Variants in HOXA2 observed in about 807,000 individuals in gnomAD.
The protein encoded by HOXA2 is homeobox protein Hox-A2.
A neutral mutation model predicts 27.2 loss-of-function variants in HOXA2; 4 were observed. The observed-to-expected ratio is 0.15, with a 90% CI of 0.07 to 0.34. The LOEUF (loss-of-function observed/expected upper bound fraction) is 0.34, where lower values mean the gene tolerates loss of function less well. HOXA2 is among the 10% of genes least tolerant of loss of function. HOXA2 has a pLI of 1.00. For missense variants in HOXA2, 430 were observed against 473.2 expected, an observed-to-expected ratio of 0.91 and a Z score of 0.85; for synonymous variants, 200 against 202.8, an observed-to-expected ratio of 0.99 and a Z score of 0.12.
At position 27,101,368 on chromosome 7, in the gene HOXA2, A is replaced by G; in HGVS notation, c.489T>C (p.His163=). Residue 163 remains histidine, a synonymous_variant, in exon 2 of 2, where the codon CAT becomes CAC. Coordinates refer to ENST00000222718, the MANE Select transcript of HOXA2 (RefSeq NM_006735.4). ...GGGGTCTGCAAAGGTACTTGTTGAA[A>G]TGAAATTCTTTTTCCAGCTCTAGAA... ...TQLLELEKEF[H]FNKYLCRPRR... The G allele has an allele frequency of 6.2e-7, 1 of 1,611,518 alleles. No homozygotes were observed. Among genetic ancestry groups the G allele is most frequent in the Admixed American group, 1.7e-5 (1 of 60,026 alleles).
chr7:27,101,151 C>G lies in HOXA2; in HGVS notation c.706G>C (p.Ala236Pro). Residue 236 changes from alanine (A) to proline (P), a missense_variant, in exon 2 of 2, where the codon GCC (alanine) becomes CCC (proline). This residue lies in a region of HOXA2 where 236 missense variants were observed against 208.5 expected (regional missense o/e 1.13). Coordinates refer to ENST00000222718, the MANE Select transcript of HOXA2 (RefSeq NM_006735.4). ...DEEEKTLFEQ[A>P]LSVSGALLER... ...AGAAGGGCCCCAGAGACGCTAAGGG[C>G]TTGCTCAAAGAGCGTCTTCTCTTCC... 2.5e-6 allele frequency: 4 copies of G among 1,614,150 alleles called. No homozygotes were observed. The highest frequency in any genetic ancestry group is 2.5e-6 in the Non-Finnish European group (3 of 1,180,016).
rs1562703122 is a variant in HOXA2, at chr7:27,100,922, T to C, written c.935A>G (p.Asp312Gly). The C allele has an allele frequency of 6.2e-7, 1 of 1,614,126 alleles. No homozygotes were observed. The highest frequency in any genetic ancestry group is 8.5e-7 in the Non-Finnish European group (1 of 1,180,048). ...GGGGACCTCAAGGGCCTCAGGACTG[T>C]CATTGTTTAGGCCAGCTCCACAGTT... ...GQNCGAGLNN[D>G]SPEALEVPSL... The change falls in exon 2 of 2, where the codon GAC (aspartate) becomes GGC (glycine). Residue 312 changes from aspartate to glycine, a missense_variant. Around this residue, in one of 4 missense-constraint regions of HOXA2, gnomAD observed 236 missense variants for 208.5 expected, o/e 1.13. Transcript: ENST00000222718.
At position 27,101,474 on chromosome 7, in the gene HOXA2, A is replaced by C; in HGVS notation, c.392-9T>G. 6.3e-7 allele frequency: 1 copy of C among 1,599,512 alleles called. No individual in the cohort carries two copies. The highest frequency in any genetic ancestry group is 8.5e-7 in the Non-Finnish European group (1 of 1,179,966). Reference sequence around the variant, plus strand: ...GGCGATTTCCAGGGATTCTGCGGAAAGGGAAACCAACAAGAGACACACGCA... The same window carrying C: ...GGCGATTTCCAGGGATTCTGCGGAACGGGAAACCAACAAGAGACACACGCA... On this transcript the variant is annotated splice_polypyrimidine_tract_variant and intron_variant, in intron 1 of 1. Transcript: ENST00000222718.
Position 27,100,369 on chromosome 7 carries a change from AGAATTTATT to A in HOXA2, c.*348_*356del, listed in dbSNP as rs1448930784. 4.4e-6 allele frequency: 1 copy of A among 226,628 alleles called. No homozygotes were observed. Among genetic ancestry groups the A allele is most frequent in the African/African-American group, 2.3e-5 (1 of 43,192 alleles). 14.0% of individuals were successfully genotyped at this position (226,628 alleles called of 1,614,324 possible). On this transcript the variant is annotated 3_prime_UTR_variant, in exon 2 of 2. Coordinates refer to ENST00000222718, the MANE Select transcript of HOXA2 (RefSeq NM_006735.4). ...AAAAATAAGCTACTTATAGCAAAGG[AGAATTTATT>A]CTACAAAAAATATGCATGACAATGC...
At position 27,100,700 on chromosome 7, in the gene HOXA2, T is replaced by A; in HGVS notation, c.*26A>T. Reference sequence around the variant, plus strand: ...CCTGGTCAAAGGAGTTTTTGTTTGGTGATGCTTTGTTTTGCTTTAATGTTT... The same window carrying A: ...CCTGGTCAAAGGAGTTTTTGTTTGGAGATGCTTTGTTTTGCTTTAATGTTT... On this transcript the variant is annotated 3_prime_UTR_variant, in exon 2 of 2. Transcript: ENST00000222718. The A allele has an allele frequency of 6.2e-7, 1 of 1,613,712 alleles. No individual in the cohort carries two copies. Among genetic ancestry groups the A allele is most frequent in the Non-Finnish European group, 8.5e-7 (1 of 1,179,854 alleles).
At chr7:27,101,623 G>C in intron 1 of HOXA2, 158 bp from the exon 2 acceptor site, 1 of 874,628 alleles carries the variant, frequency 1.1e-6, no homozygotes, top group East Asian at 2.6e-5. Context: ...CCTTTCCTGG[G>C]AGCCCAGCCT....
chr7:27,102,324 C>A lies in HOXA2; in HGVS notation c.177G>T (p.Leu59=), dbSNP rs1783944006. The change falls in exon 1 of 2, where the codon CTG becomes CTT. Residue 59 remains leucine (L), a synonymous_variant. Coordinates refer to ENST00000222718, the MANE Select transcript of HOXA2 (RefSeq NM_006735.4). This position sits in a 1 kb window ranked among gnomAD's most constrained non-coding sequence, Gnocchi z 4.6. The part of the protein sequence containing the change: ...PPPFEQTIPS[L]NPGSHPRHGA... ...CGTGGCGAGGGTGACTGCCGGGGTT[C>A]AGGCTGGGAATGGTCTGCTCAAAAG... The A allele has an allele frequency of 1.1e-5, 17 of 1,613,530 alleles. No individual in the cohort carries two copies. The highest frequency in any genetic ancestry group is 2.2e-5 in the South Asian group (2 of 91,070).
Position 27,102,180 on chromosome 7 carries a change from G to A in HOXA2, c.321C>T (p.Thr107=). 6.4e-7 allele frequency: 1 copy of A among 1,560,156 alleles called. No homozygotes were observed. The highest frequency in any genetic ancestry group is 8.7e-7 in the Non-Finnish European group (1 of 1,152,594). ...CGGCGGCGGCGGCCGGCAGAAGTGC[G>A]GTTTTCTTGGCCGCCTTCTTCTCCT... ...WMKEKKAAKK[T]ALLPAAAAAA... is the part of the protein sequence containing the mutation. Residue 107 remains threonine (T), a synonymous_variant, in exon 1 of 2, where the codon ACC becomes ACT. Transcript: ENST00000222718. The surrounding 1 kb of genome is among the most constrained non-coding windows in gnomAD (Gnocchi z 4.6).
chr7:27,101,226 C>T lies in HOXA2; in HGVS notation c.631G>A (p.Glu211Lys), dbSNP rs1783920972. The T allele has an allele frequency of 6.2e-7, 1 of 1,614,208 alleles. No individual in the cohort carries two copies. Among genetic ancestry groups the T allele is most frequent in the Non-Finnish European group, 8.5e-7 (1 of 1,180,032 alleles). The change falls in exon 2 of 2, where the codon GAA becomes AAA. Residue 211 changes from glutamate to lysine, a missense_variant. Transcript: ENST00000222718. ...QTQCKENQNS[E>K]GKCKSLEDSE... is the part of the protein sequence containing the mutation. ...TCCTCAAGGCTTTTACATTTCCCTT[C>T]GCTGTTTTGGTTTTCCTTGCACTGG...
intron 1 of HOXA2, chr7:27,101,688 A>C (rs917634440): frequency 2.6e-5 from 17 of 663,004 alleles, no homozygotes. Context: ...GCTCCCCCCA[A>C]CCTCTTCATC....
In HOXA2 at chr7:27,101,452, G is replaced by C. The variant is rs1480084421; in HGVS notation, c.405C>G (p.Ile135Met). The stretch of plus-strand genomic sequence containing the variant: ...GCGATCCCCCGCCGCTGCCATCGGC[G>C]ATTTCCAGGGATTCTGCGGAAAGGG... The part of the protein sequence containing the change: ...ACLSHKESLE[I>M]ADGSGGGSRR... Residue 135 changes from isoleucine (I) to methionine (M), a missense_variant, in exon 2 of 2, where the codon ATC (isoleucine) becomes ATG (methionine). Around this residue, in one of 4 missense-constraint regions of HOXA2, gnomAD observed 166 missense variants for 207.6 expected, o/e 0.80. Coordinates refer to ENST00000222718, the MANE Select transcript of HOXA2 (RefSeq NM_006735.4). 1 of 1,600,008 alleles carries C rather than the reference G, an allele frequency of 6.2e-7. No individual in the cohort carries two copies. The highest frequency in any genetic ancestry group is 2.2e-5 in the East Asian group (1 of 44,902).
In HOXA2 at chr7:27,101,254, C is replaced by G; in HGVS notation, c.603G>C (p.Gln201His). Residue 201 changes from glutamine (Q) to histidine (H), a missense_variant, in exon 2 of 2, where the codon CAG (glutamine) becomes CAC (histidine). Transcript: ENST00000222718. ...FQNRRMKHKR[Q>H]TQCKENQNSE... is the part of the protein sequence containing the mutation. ...TGTTTTGGTTTTCCTTGCACTGGGT[C>G]TGCCTCTTGTGCTTCATCCTCCGGT... 3.1e-6 allele frequency: 5 copies of G among 1,614,232 alleles called. No homozygotes were observed. The highest frequency in any genetic ancestry group is 4.2e-6 in the Non-Finnish European group (5 of 1,180,030).
chr7:27,101,863 A>C (rs1187568202), intron 1 of HOXA2: 2 of 710,910 alleles, frequency 2.8e-6, no homozygotes, highest in Admixed American at 2.0e-5. Context: ...ATCCCACATT[A>C]CACAAGTTCG....
rs761096280 is a variant in HOXA2, at chr7:27,101,323, C to A, written c.534G>T (p.Ala178=). 1.2e-6 allele frequency: 2 copies of A among 1,614,006 alleles called. No homozygotes were observed. Among genetic ancestry groups the A allele is most frequent in the Admixed American group, 3.3e-5 (2 of 60,010 alleles). ...CTTGTCTCTCAGTCAAATCCAGCAG[C>A]GCTGCAATCTCCACCCTTCGGGGTC... ...LCRPRRVEIA[A]LLDLTERQVK... Residue 178 remains alanine, a synonymous_variant, in exon 2 of 2, where the codon GCG becomes GCT. Coordinates refer to ENST00000222718, the MANE Select transcript of HOXA2 (RefSeq NM_006735.4).
chr7:27,101,564 C>A, intron 1 of HOXA2, 99 bp from the exon 2 acceptor site: 1 of 1,396,374 alleles, frequency 7.2e-7, no homozygotes, highest in Non-Finnish European at 9.9e-7. Context: ...CAGAAAAGAT[C>A]AACTGCAACA....
Position 27,101,223 on chromosome 7 carries a change from C to A in HOXA2, c.634G>T (p.Gly212Trp), listed in dbSNP as rs1051989126. The A allele has an allele frequency of 1.9e-6, 3 of 1,614,216 alleles. No individual in the cohort carries two copies. The East Asian group carries it at 6.7e-5, about 36-fold the overall frequency. The change falls in exon 2 of 2, where the codon GGG becomes TGG. Residue 212 changes from glycine to tryptophan, a missense_variant. By Grantham distance (184) the Gly-to-Trp change is radical (BLOSUM62 -2). This residue lies in a region of HOXA2 where 236 missense variants were observed against 208.5 expected (regional missense o/e 1.13). Transcript: ENST00000222718. ...GAGTCCTCAAGGCTTTTACATTTCC[C>A]TTCGCTGTTTTGGTTTTCCTTGCAC... is the stretch of plus-strand genomic sequence containing the variant. The part of the protein sequence containing the change: ...TQCKENQNSE[G>W]KCKSLEDSEK...
chr7:27,100,817 G>A lies in HOXA2; in HGVS notation c.1040C>T (p.Ser347Phe). 1 of 1,614,226 alleles carries A rather than the reference G, an allele frequency of 6.2e-7. No individual in the cohort carries two copies. The highest frequency in any genetic ancestry group is 8.5e-7 in the Non-Finnish European group (1 of 1,180,036). Residue 347 changes from serine to phenylalanine, a missense_variant, in exon 2 of 2, where the codon TCC becomes TTC. Coordinates refer to ENST00000222718, the MANE Select transcript of HOXA2 (RefSeq NM_006735.4). ...TGAAATATCTACGGGACTGTCGAGGGAACCTGGCAAACTGGGTGAAACTGC... is the reference window on the plus strand; with the variant it reads ...TGAAATATCTACGGGACTGTCGAGGAAACCTGGCAAACTGGGTGAAACTGC... ...SDAVSPSLPG[S>F]LDSPVDISAD... is the part of the protein sequence containing the mutation.
At chr7:27,101,886 C>T (rs565300048) in intron 1 of HOXA2, 35 of 738,660 alleles carry the variant, frequency 4.7e-5, no homozygotes, top group Non-Finnish European at 6.9e-5. Flanking sequence ...AAAGTTTCCC[C>T]CCACTTCCTA....
Position 27,100,913 on chromosome 7 carries a change from T to C in HOXA2, c.944A>G (p.Glu315Gly). 6.2e-7 allele frequency: 1 copy of C among 1,614,224 alleles called. No individual in the cohort carries two copies. Among genetic ancestry groups the C allele is most frequent in the South Asian group, 1.1e-5 (1 of 91,086 alleles). The change falls in exon 2 of 2, where the codon GAG becomes GGG. Residue 315 changes from glutamate (E) to glycine (G), a missense_variant. By Grantham distance (98) the Glu-to-Gly change is moderately conservative. Coordinates refer to ENST00000222718, the MANE Select transcript of HOXA2 (RefSeq NM_006735.4). Reference protein sequence around the residue: ...CGAGLNNDSPEALEVPSLQDF... With the variant: ...CGAGLNNDSPGALEVPSLQDF... Reference sequence around the variant, plus strand: ...CTGCAAAGAGGGGACCTCAAGGGCCTCAGGACTGTCATTGTTTAGGCCAGC... The same window carrying C: ...CTGCAAAGAGGGGACCTCAAGGGCCCCAGGACTGTCATTGTTTAGGCCAGC...
Sources: gnomAD v4.1 joint callset for allele counts on GRCh38, gnomAD v4.1.1 for gene constraint, gnomAD v4.1.1 regional missense constraint, Gnocchi (gnomAD v3.1) non-coding constraint, MANE v1.5 for transcripts, NCBI Gene and HGNC (gene_info 2026-07-23, HGNC 2026-07-21) for gene names.